Variants in CASP9 observed in about 807,000 individuals in gnomAD.
The protein encoded by CASP9 is caspase 9.
A neutral mutation model predicts 43.5 loss-of-function variants in CASP9; 29 were observed. The observed-to-expected ratio is 0.67, with a 90% CI of 0.50 to 0.91. The LOEUF (loss-of-function observed/expected upper bound fraction) is 0.91, where lower values mean the gene tolerates loss of function less well. CASP9 is among the 40% of genes least tolerant of loss of function. The probability of loss-of-function intolerance (pLI) is 0.00; values close to 1 mark genes in which losing one functional copy is unlikely to be tolerated. For synonymous variants in CASP9, 206 were observed against 211.9 expected, an observed-to-expected ratio of 0.97 and a Z score of 0.24; for missense variants, 575 against 537.4, an observed-to-expected ratio of 1.07 and a Z score of -0.69.
At chr1:15,520,194 G>A (rs4645998) in intron 1 of CASP9, among the ~76,000 whole-genome samples, 42 of 152,160 alleles carry the variant, frequency 2.8e-4, no homozygotes, top group African/African-American at 7.5e-4. Context: ...CCGTGATGAT[G>A]GAAATATTCT....
At chr1:15,517,666 T>C (rs572876240) in intron 2 of CASP9, among the ~76,000 whole-genome samples, 8 of 151,964 alleles carry the variant, frequency 5.3e-5, no homozygotes, top group African/African-American at 1.7e-4. Flanking sequence ...CCTTGCAAGG[T>C]TGCTATAAAC....
intron 2 of CASP9, among the ~76,000 whole-genome samples, chr1:15,513,232 A>G (rs1709830766): frequency 6.6e-6 from 1 of 151,720 alleles, no homozygotes. Context: ...TCATTAGCTC[A>G]TGCAAATGTT....
At chr1:15,501,723 T>C (rs2103340025) in intron 6 of CASP9, among the ~76,000 whole-genome samples, 1 of 152,372 alleles carries the variant, frequency 6.6e-6, no homozygotes, top group South Asian at 2.1e-4. Flanking sequence ...TTTGTTTTAA[T>C]GATGGAAATC....
chr1:15,519,961 A>G (rs1221362639), intron 1 of CASP9: 1 of 149,988 alleles, frequency 6.7e-6, no homozygotes, highest in Non-Finnish European at 1.5e-5. Context: ...GTGAGCTGTG[A>G]TAGCACCACT....
At chr1:15,495,229 GA>G in intron 7 of CASP9, 43 bp downstream of exon 7, 2 of 1,568,262 alleles carry the variant, frequency 1.3e-6, no homozygotes, top group Non-Finnish European at 8.7e-7. Context: ...GGGCAGACGG[GA>G]AGACCCACTG....
chr1:15,505,159 G>A (rs893996237), intron 5 of CASP9, among the ~76,000 whole-genome samples: 4 of 152,120 alleles, frequency 2.6e-5, no homozygotes, highest in South Asian at 2.1e-4. Context: ...GCAGCTCAAC[G>A]CTGAGAGTGG....
intron 2 of CASP9, among the ~76,000 whole-genome samples, chr1:15,511,755 C>G (rs1709764146): frequency 6.6e-6 from 1 of 152,170 alleles, no homozygotes; most frequent in Non-Finnish European, 1.5e-5. Context: ...CAGGTTTGGG[C>G]TCAGGTCTGC....
At chr1:15,513,137 G>A (rs1396577034) in intron 2 of CASP9, among the ~76,000 whole-genome samples, 1 of 150,406 alleles carries the variant, frequency 6.6e-6, no homozygotes, top group Non-Finnish European at 1.5e-5. Context: ...CTCCAGCCTG[G>A]GCAACAGAAC....
chr1:15,510,410 T>C (rs911554492), intron 2 of CASP9, among the ~76,000 whole-genome samples: 6 of 152,164 alleles, frequency 3.9e-5, no homozygotes, highest in Non-Finnish European at 7.3e-5. Flanking sequence ...TTTTTAAAGT[T>C]AGAAATGGTT....
At chr1:15,502,540 T>C (rs1173616236) in intron 6 of CASP9, among the ~76,000 whole-genome samples, 1 of 151,988 alleles carries the variant, frequency 6.6e-6, no homozygotes, top group Admixed American at 6.6e-5. Flanking sequence ...CTGGACATCC[T>C]GGGAAGGCTG....
intron 6 of CASP9, 125 bp from the exon 7 acceptor site, chr1:15,495,577 A>G: frequency 1.1e-6 from 1 of 882,062 alleles, no homozygotes; most frequent in Non-Finnish European, 1.6e-6. Flanking sequence ...TTGGGACCCC[A>G]AACTCATTAA....
intron 2 of CASP9, among the ~76,000 whole-genome samples, chr1:15,509,470 A>G (rs1410954244): frequency 2.0e-5 from 3 of 150,880 alleles, no homozygotes; most frequent in Admixed American, 1.3e-4. Flanking sequence ...CAAAAAAAAA[A>G]AAAAAAAAAG....
At chr1:15,518,482 G>A in intron 1 of CASP9, 87 bp from the exon 2 acceptor site, 2 of 1,432,562 alleles carry the variant, frequency 1.4e-6, no homozygotes, top group Middle Eastern at 1.9e-4. Flanking sequence ...GCTACTGTAA[G>A]TCTAAACAAT....
chr1:15,495,854 T>C (rs541294243), intron 6 of CASP9, among the ~76,000 whole-genome samples: 1 of 152,328 alleles, frequency 6.6e-6, no homozygotes, highest in South Asian at 2.1e-4. Context: ...TTTGTCTTTG[T>C]TATCTTACGT....
intron 7 of CASP9, 30 bp from the exon 8 acceptor site, chr1:15,494,031 G>A: frequency 6.4e-7 from 1 of 1,551,832 alleles, no homozygotes. Flanking sequence ...GAACACTGCT[G>A]GAGAGCCACC....
chr1:15,522,136 T>C (rs1224734211), intron 1 of CASP9, among the ~76,000 whole-genome samples: 3 of 152,226 alleles, frequency 2.0e-5, no homozygotes, highest in African/African-American at 4.8e-5. Flanking sequence ...AAATTAGAAC[T>C]TCCCAACTTT....
intron 2 of CASP9, among the ~76,000 whole-genome samples, chr1:15,516,164 T>C (rs990625646): frequency 3.3e-5 from 5 of 149,308 alleles, no homozygotes; most frequent in Non-Finnish European, 5.9e-5. Flanking sequence ...ATTGCGCCAC[T>C]GCACTCCAGC....
At position 15,504,666 on chromosome 1, in the gene CASP9, G is replaced by C; in HGVS notation, c.813C>G (p.Ser271Arg). ...TGGGCTTCCCTCCCAGGCTGGGGCA[G>C]CTGGTCCCATTGAAGATGTTCACAA... ...EKIVNIFNGTSCPSLGGKPKL... is the reference protein window; with the variant it reads ...EKIVNIFNGTRCPSLGGKPKL... The change falls in exon 6 of 9, where the codon AGC becomes AGG. Residue 271 changes from serine to arginine, a missense_variant. Physicochemically the swap from Ser to Arg is moderately radical, Grantham distance 110. Coordinates refer to ENST00000333868, the MANE Select transcript of CASP9 (RefSeq NM_001229.5). The C allele has an allele frequency of 6.2e-7, 1 of 1,614,208 alleles. No homozygotes were observed. The highest frequency in any genetic ancestry group is 8.5e-7 in the Non-Finnish European group (1 of 1,180,022).
intron 5 of CASP9, among the ~76,000 whole-genome samples, chr1:15,505,602 C>T (rs966218596): frequency 3.2e-4 from 49 of 152,156 alleles, no homozygotes; most frequent in African/African-American, 1.1e-3. Context: ...GGCCAAGCCC[C>T]CAGTGGGCCT....
Sources: gnomAD v4.1 joint callset for allele counts (sites outside exome capture counted in the v4.1 genomes callset) on GRCh38, gnomAD v4.1.1 for gene constraint, MANE v1.5 for transcripts, NCBI Gene and HGNC (gene_info 2026-07-23, HGNC 2026-07-21) for gene names.